The following BNIP2 variants were observed in gnomAD, a reference collection of about 807,000 sequenced individuals.
BNIP2 encodes BCL2 interacting protein 2, also known as BCL2/adenovirus E1B 19 kDa protein-interacting protein 2.
In BNIP2, 36 loss-of-function variants were observed where a neutral mutation model predicts 43.4. The observed-to-expected ratio is 0.83, with a 90% CI of 0.64 to 1.10. The LOEUF is 1.10. Ranked by LOEUF, BNIP2 falls within the 50% of genes least tolerant of loss-of-function variation. The probability of loss-of-function intolerance (pLI) is 0.00; values close to 1 mark genes in which losing one functional copy is unlikely to be tolerated. For missense variants in BNIP2, 417 were observed against 374.1 expected, an observed-to-expected ratio of 1.11 and a Z score of -0.95; for synonymous variants, 146 against 121.0, an observed-to-expected ratio of 1.21 and a Z score of -1.35.
chr15:59,678,969 T>C (rs1016965026), intron 4 of BNIP2: 37 of 723,762 alleles, frequency 5.1e-5, no homozygotes, highest in African/African-American at 4.2e-4. Context: ...ACCAAAAATA[T>C]AGCATATCAC....
In BNIP2 at chr15:59,659,529, G is replaced by C. The variant is rs1264745323; in HGVS notation, c.*4540C>G. ...AGTGCTCCAAGGGCTGTGCAAGTCA[G>C]TGGCCCTGAACATCATCAATATTTA... On this transcript the variant is annotated 3_prime_UTR_variant, in exon 10 of 10. Transcript: ENST00000607373. The C allele has an allele frequency of 6.6e-6, 1 of 152,220 alleles. No individual in the cohort carries two copies. The highest frequency in any genetic ancestry group is 1.5e-5 in the Non-Finnish European group (1 of 68,046). 9.4% of individuals were successfully genotyped at this position (152,220 alleles called of 1,614,324 possible).
chr15:59,688,150 TAG>T lies in BNIP2; in HGVS notation c.-58+983_-58+984del, dbSNP rs1894138800. Among the ~76,000 whole-genome samples, 3 of 152,292 alleles carry T rather than the reference TAG, an allele frequency of 2.0e-5. No individual in the cohort carries two copies. The South Asian group carries it at 6.2e-4, about 32-fold the overall frequency. On this transcript the variant is annotated intron_variant, in intron 1 of 9. Coordinates refer to ENST00000607373, the MANE Select transcript of BNIP2 (RefSeq NM_004330.4). ...CACTAGAGAATATGAAGACTAGGAATAGAGTTTAGAGAAAATGTAAACCAAAA... is the reference window on the plus strand; with the variant it reads ...CACTAGAGAATATGAAGACTAGGAATAGTTTAGAGAAAATGTAAACCAAAA...
At chr15:59,682,374 T>C in intron 2 of BNIP2, 34 bp downstream of exon 2, 1 of 1,557,036 alleles carries the variant, frequency 6.4e-7, no homozygotes, top group Non-Finnish European at 8.7e-7. Flanking sequence ...GAACTTTTGC[T>C]CTAAAATTGT....
chr15:59,677,500 T>C (rs552069039), intron 5 of BNIP2, among the ~76,000 whole-genome samples: 3 of 152,314 alleles, frequency 2.0e-5, no homozygotes, highest in East Asian at 3.9e-4. Flanking sequence ...TATTTCCACG[T>C]ATTATAGTGT....
rs951520001 is a variant in BNIP2, at chr15:59,678,591, T to A, written c.296-504A>T. The stretch of plus-strand genomic sequence containing the variant: ...CAGTTTTATAAAGCAGAAATGTATT[T>A]ATAATACTTTGAAGTATACATGCAG... On this transcript the variant is annotated intron_variant, in intron 4 of 9. Coordinates refer to ENST00000607373, the MANE Select transcript of BNIP2 (RefSeq NM_004330.4). 1.8e-5 allele frequency: 20 copies of A among 1,121,586 alleles called. No individual in the cohort carries two copies. The African/African-American group carries it at 2.8e-4, about 16-fold the overall frequency. The allele number at this position is 1,121,586 out of a possible 1,614,324, so 69.5% of individuals were successfully genotyped here. A position where few individuals can be genotyped will look rare whatever the true frequency, so the allele number is the denominator to read the frequency against.
rs1892117808 is a variant in BNIP2, at chr15:59,659,148, C to T, written c.*4921G>A. 6.6e-6 allele frequency: 1 copy of T among 152,134 alleles called. No homozygotes were observed. The highest frequency in any genetic ancestry group is 2.1e-4 in the South Asian group (1 of 4,834). The allele number at this position is 152,134 out of a possible 1,614,324, so 9.4% of individuals were successfully genotyped here. The stretch of plus-strand genomic sequence containing the variant: ...AATGTGATAAAAAGACAAAGACGAA[C>T]GTTCCAATTAATTTATTTAAATTCA... On this transcript the variant is annotated 3_prime_UTR_variant, in exon 10 of 10. Coordinates refer to ENST00000607373, the MANE Select transcript of BNIP2 (RefSeq NM_004330.4).
chr15:59,668,150 A>G, intron 9 of BNIP2: 1 of 1,255,500 alleles, frequency 8.0e-7, no homozygotes, highest in Non-Finnish European at 1.1e-6. Flanking sequence ...TTTGTAGGGA[A>G]GAGTTATTTC....
At chr15:59,674,090 C>CAAAAAAAAAAAAA (rs754263928) in intron 5 of BNIP2, among the ~76,000 whole-genome samples, 4 of 91,436 alleles carry the variant, frequency 4.4e-5, no homozygotes, top group Non-Finnish European at 4.3e-5. Context: ...ACTTGGGTCT[C>CAAAAAAAAAAAAA]AAAAAAAAAA....
intron 3 of BNIP2, 22 bp downstream of exon 3, chr15:59,680,219 A>C (rs1195817230): frequency 2.0e-6 from 3 of 1,491,562 alleles, no homozygotes; most frequent in Non-Finnish European, 9.0e-7. Flanking sequence ...AATTTCAATG[A>C]AAGTAAGTGT....
intron 2 of BNIP2, among the ~76,000 whole-genome samples, chr15:59,681,155 T>G (rs1412599438): frequency 6.6e-6 from 1 of 152,226 alleles, no homozygotes; most frequent in Non-Finnish European, 1.5e-5. Context: ...CTATATTTAC[T>G]ATCACCACCA....
Position 59,669,357 on chromosome 15 carries a change from C to G in BNIP2, c.713G>C (p.Arg238Pro). ...KCYQQIDRRL[R>P]KNLKSLIIVH... Reference sequence around the variant, plus strand: ...AATGATTAGGGATTTTAGATTTTTCCGTAACCTGGAGTTTAAAAAAAAAAC... The same window carrying G: ...AATGATTAGGGATTTTAGATTTTTCGGTAACCTGGAGTTTAAAAAAAAAAC... The change falls in exon 8 of 10, where the codon CGG (arginine) becomes CCG (proline). Residue 238 changes from arginine (R) to proline (P), a missense_variant. Coordinates refer to ENST00000607373, the MANE Select transcript of BNIP2 (RefSeq NM_004330.4). 1 of 1,510,350 alleles carries G rather than the reference C, an allele frequency of 6.6e-7. No individual in the cohort carries two copies. Among genetic ancestry groups the G allele is most frequent in the Non-Finnish European group, 8.8e-7 (1 of 1,132,286 alleles). 93.6% of individuals were successfully genotyped at this position (1,510,350 alleles called of 1,614,324 possible).
rs1892270915 is a variant in BNIP2 at position 59,661,493 on chromosome 15, CCT to C, written c.*2574_*2575del. On this transcript the variant is annotated 3_prime_UTR_variant, in exon 10 of 10. Transcript: ENST00000607373. Reference sequence around the variant, plus strand: ...TTAGAATCATATTTCTTCATATCTCCCTCTGAGTTAAAGATTGTTAAGCTTAA... The same window carrying C: ...TTAGAATCATATTTCTTCATATCTCCCTGAGTTAAAGATTGTTAAGCTTAA... 1 of 152,124 alleles carries C rather than the reference CCT, an allele frequency of 6.6e-6. No homozygotes were observed. Among genetic ancestry groups the C allele is most frequent in the Non-Finnish European group, 1.5e-5 (1 of 68,038 alleles). The allele number at this position is 152,124 out of a possible 1,614,324, so 9.4% of individuals were successfully genotyped here.
At chr15:59,672,053 G>A (rs565613461) in intron 6 of BNIP2, among the ~76,000 whole-genome samples, 9 of 152,260 alleles carry the variant, frequency 5.9e-5, no homozygotes, top group African/African-American at 2.2e-4. Flanking sequence ...TCCAGCCTGG[G>A]TGACAGAGTG....
chr15:59,683,942 A>G (rs1200095342), intron 1 of BNIP2, among the ~76,000 whole-genome samples: 1 of 152,252 alleles, frequency 6.6e-6, no homozygotes, highest in African/African-American at 2.4e-5. Context: ...AAAATCAATT[A>G]TGTCAGCCAT....
At chr15:59,679,473 G>T in intron 4 of BNIP2, 119 bp downstream of exon 4, 1 of 1,192,262 alleles carries the variant, frequency 8.4e-7, no homozygotes, top group Non-Finnish European at 1.2e-6. Context: ...AATATTCAAG[G>T]GTTAGCACAA....
At chr15:59,687,183 T>C (rs562575773) in intron 1 of BNIP2, among the ~76,000 whole-genome samples, 2 of 152,188 alleles carry the variant, frequency 1.3e-5, no homozygotes, top group East Asian at 3.9e-4. Flanking sequence ...AATGCTGAGA[T>C]CTTTAAAAAG....
intron 6 of BNIP2, among the ~76,000 whole-genome samples, chr15:59,671,641 C>A (rs1476400781): frequency 6.6e-6 from 1 of 152,146 alleles, no homozygotes; most frequent in African/African-American, 2.4e-5. Flanking sequence ...CTGTGTATGT[C>A]TGAAACTTTC....
At chr15:59,680,361 T>TC in intron 2 of BNIP2, 53 bp from the exon 3 acceptor site, 1 of 1,402,656 alleles carries the variant, frequency 7.1e-7, no homozygotes. Context: ...GAATTTTTTT[T>TC]TGAAGTTCAA....
At chr15:59,674,977 A>C in intron 5 of BNIP2, among the ~76,000 whole-genome samples, 1 of 152,204 alleles carries the variant, frequency 6.6e-6, no homozygotes, top group East Asian at 1.9e-4. Context: ...TGGCCTGGGC[A>C]CTGTGGCTCA....
Sources: allele counts gnomAD v4.1 joint callset (sites outside exome capture counted in the v4.1 genomes callset), GRCh38; gene constraint gnomAD v4.1.1; transcripts MANE v1.5; gene names NCBI Gene and HGNC (gene_info 2026-07-23, HGNC 2026-07-21).